SETBP1: variants seen among roughly 807,000 people sequenced by gnomAD.
The protein encoded by SETBP1 is SET-binding protein.
SETBP1 carries 9 observed loss-of-function variants against 101.0 expected under a neutral mutation model. The observed-to-expected ratio is 0.09, with a 90% CI of 0.05 to 0.16. SETBP1 has a LOEUF of 0.16. Among genes scored for constraint, SETBP1 ranks in the 10% least tolerant of loss-of-function variants. SETBP1 has a pLI of 1.00. For synonymous variants in SETBP1, 818 were observed against 788.5 expected, an observed-to-expected ratio of 1.04 and a Z score of -0.63; for missense variants, 1,858 against 2,033.8, an observed-to-expected ratio of 0.91 and a Z score of 1.66.
Position 44,871,919 on chromosome 18 carries a change from G to A in SETBP1, c.540+2636G>A, listed in dbSNP as rs776391230. ...AGAGTCAGGCCTGGTGCTGGTAGGC[G>A]GTACTATTCTCAGCAAGTTTTAAAG... On this transcript the variant is annotated intron_variant, in intron 3 of 5. Coordinates refer to ENST00000649279, the MANE Select transcript of SETBP1 (RefSeq NM_015559.3). The A allele has an allele frequency of 3.3e-5, 5 of 152,132 alleles. No individual in the cohort carries two copies. In the South Asian group the frequency reaches 6.2e-4, roughly 19 times the overall value. The allele number at this position is 152,132 out of a possible 1,614,324, so 9.4% of individuals were successfully genotyped here.
At chr18:45,016,728 C>T (rs1034481842) in intron 4 of SETBP1, among the ~76,000 whole-genome samples, 1 of 121,406 alleles carries the variant, frequency 8.2e-6, no homozygotes, top group Non-Finnish European at 1.7e-5. Flanking sequence ...CACATTGGTG[C>T]GCGCACACAC....
chr18:44,881,798 G>A (rs2069535954), intron 3 of SETBP1, among the ~76,000 whole-genome samples: 1 of 152,144 alleles, frequency 6.6e-6, no homozygotes, highest in Non-Finnish European at 1.5e-5. Flanking sequence ...AGAATGCCTG[G>A]GATTTAAATA....
intron 5 of SETBP1, among the ~76,000 whole-genome samples, chr18:45,056,026 T>C (rs549995167): frequency 2.0e-4 from 31 of 152,356 alleles, no homozygotes; most frequent in African/African-American, 7.5e-4. Context: ...TTTTGTTTTT[T>C]AACATCTGCA....
At chr18:44,744,061 A>C (rs1244564136) in intron 2 of SETBP1, among the ~76,000 whole-genome samples, 1 of 152,176 alleles carries the variant, frequency 6.6e-6, no homozygotes, top group Non-Finnish European at 1.5e-5. Context: ...AGATCAGCGA[A>C]ATACTGCCTG....
intron 2 of SETBP1, among the ~76,000 whole-genome samples, chr18:44,821,245 G>A (rs1468485634): frequency 6.6e-6 from 1 of 152,166 alleles, no homozygotes; most frequent in African/African-American, 2.4e-5. Context: ...TTGCTTAACA[G>A]GCCCTACTGG....
chr18:45,008,198 C>T (rs770282270), intron 4 of SETBP1, among the ~76,000 whole-genome samples: 1 of 152,052 alleles, frequency 6.6e-6, no homozygotes, highest in Admixed American at 6.5e-5. Flanking sequence ...CTATCTTGTC[C>T]CTAGGGGACA....
intron 2 of SETBP1, among the ~76,000 whole-genome samples, chr18:44,859,783 T>C (rs2068962762): frequency 6.6e-6 from 1 of 152,148 alleles, no homozygotes; most frequent in Non-Finnish European, 1.5e-5. Flanking sequence ...GAGGAGATTC[T>C]CCTATTTTTC....
At chr18:44,713,223 C>T (rs1282276830) in intron 2 of SETBP1, among the ~76,000 whole-genome samples, 1 of 151,988 alleles carries the variant, frequency 6.6e-6, no homozygotes, top group African/African-American at 2.4e-5. Context: ...TCCCAAAGTG[C>T]TGGGATTACA....
chr18:44,899,296 T>A (rs2144821278), intron 3 of SETBP1, among the ~76,000 whole-genome samples: 1 of 152,314 alleles, frequency 6.6e-6, no homozygotes, highest in South Asian at 2.1e-4. Flanking sequence ...ATAGTCACAT[T>A]TGTCGAGTAA....
rs535839238 is a variant in SETBP1, at chr18:44,758,604, G to T, written c.486+56772G>T. ...TCACTGTGTTAGCCAGGATGGTCTC[G>T]ATCTCCTGACCTCGTGATCCACCTG... On this transcript the variant is annotated intron_variant, in intron 2 of 5. Coordinates refer to ENST00000649279, the MANE Select transcript of SETBP1 (RefSeq NM_015559.3). Among the ~76,000 whole-genome samples the T allele has an allele frequency of 2.6e-5, 4 of 151,852 alleles. 1 individual carries two copies. The South Asian group carries it at 6.2e-4, about 24-fold the overall frequency.
intron 2 of SETBP1, among the ~76,000 whole-genome samples, chr18:44,731,583 G>A (rs2069838518): frequency 2.0e-5 from 3 of 152,022 alleles, no homozygotes; most frequent in Admixed American, 2.0e-4. Flanking sequence ...ACTAGACCCT[G>A]GGGCTAATGG....
intron 4 of SETBP1, among the ~76,000 whole-genome samples, chr18:45,018,236 G>A (rs1054077201): frequency 6.6e-6 from 1 of 152,140 alleles, no homozygotes. Flanking sequence ...TTTCTACTGT[G>A]AATCCTCAAA....
chr18:44,700,277 G>T lies in SETBP1; in HGVS notation c.-172-898G>T, dbSNP rs1191942924. On this transcript the variant is annotated intron_variant, in intron 1 of 5. Coordinates refer to ENST00000649279, the MANE Select transcript of SETBP1 (RefSeq NM_015559.3). ...TTTTTCTCTTCTCATCTTGGAGGAA[G>T]GTAGAGAGGAAGATCCTGGGGGGAC... 3.9e-5 allele frequency among the ~76,000 whole-genome samples: 6 copies of T among 152,148 alleles called. No homozygotes were observed. In the South Asian group the frequency reaches 1.0e-3, roughly 26 times the overall value.
rs1167804427 is a variant in SETBP1, at chr18:45,063,578, G to A, written c.4671G>A (p.Pro1557=). Residue 1557 remains proline, a synonymous_variant, in exon 6 of 6, where the codon CCG becomes CCA. Transcript: ENST00000649279. ...TPRGGKRKHK[P]QAPAQPPQQS... ...GAGGCGGAAAGAGGAAACACAAACC[G>A]CAGGCCCCCGCTCAGCCCCCACAGC... The A allele has an allele frequency of 1.4e-6, 2 of 1,439,588 alleles. No individual in the cohort carries two copies. Among genetic ancestry groups the A allele is most frequent in the Non-Finnish European group, 1.8e-6 (2 of 1,081,162 alleles). 89.2% of individuals were successfully genotyped at this position (1,439,588 alleles called of 1,614,324 possible). A position where few individuals can be genotyped will look rare whatever the true frequency, so the allele number is the denominator to read the frequency against.
At position 45,012,716 on chromosome 18, in the gene SETBP1, T is replaced by C. The variant is rs148634802; in HGVS notation, c.4001-25769T>C. ...TAAAATCATGTCTTTTGCAGCAAAATGGATGGAACTACCAGCCATTATCTT... is the reference window on the plus strand; with the variant it reads ...TAAAATCATGTCTTTTGCAGCAAAACGGATGGAACTACCAGCCATTATCTT... On this transcript the variant is annotated intron_variant, in intron 4 of 5. Transcript: ENST00000649279. 4.0e-3 allele frequency among the ~76,000 whole-genome samples: 604 copies of C among 152,224 alleles called. 3 individuals are homozygous for C. The highest frequency in any genetic ancestry group is 0.014 in the African/African-American group (580 of 41,530).
At chr18:44,837,069 C>T (rs1423667519) in intron 2 of SETBP1, among the ~76,000 whole-genome samples, 1 of 152,222 alleles carries the variant, frequency 6.6e-6, no homozygotes, top group African/African-American at 2.4e-5. Context: ...AAGGGCTCTG[C>T]TCCATGGGCT....
At chr18:44,958,024 C>G (rs2071529326) in intron 4 of SETBP1, among the ~76,000 whole-genome samples, 1 of 152,188 alleles carries the variant, frequency 6.6e-6, no homozygotes, top group Non-Finnish European at 1.5e-5. Flanking sequence ...CAAATCTTAT[C>G]TCTCACACTA....
intron 2 of SETBP1, among the ~76,000 whole-genome samples, chr18:44,780,738 G>C (rs1437368597): frequency 6.6e-6 from 1 of 152,240 alleles, no homozygotes; most frequent in African/African-American, 2.4e-5. Context: ...GAGGAATAGA[G>C]ACCTTAACAA....
At chr18:44,900,338 A>G (rs1246564060) in intron 3 of SETBP1, among the ~76,000 whole-genome samples, 2 of 152,202 alleles carry the variant, frequency 1.3e-5, no homozygotes, top group Admixed American at 6.5e-5. Flanking sequence ...AAATTCAAGA[A>G]TGTCAAACTA....
Sources: gnomAD v4.1 joint callset for allele counts (sites outside exome capture counted in the v4.1 genomes callset) on GRCh38, gnomAD v4.1.1 for gene constraint, MANE v1.5 for transcripts, NCBI Gene and HGNC (gene_info 2026-07-23, HGNC 2026-07-21) for gene names.